Variants in IGSF10 observed in about 807,000 individuals in gnomAD.
IGSF10 encodes calvaria mechanical force protein 608.
In IGSF10, 126 loss-of-function variants were observed where a neutral mutation model predicts 128.2. That is an observed-to-expected ratio of 0.98 (90% CI 0.85 to 1.14). The LOEUF (loss-of-function observed/expected upper bound fraction) is 1.14, where lower values mean the gene tolerates loss of function less well. Among genes scored for constraint, IGSF10 ranks in the 50% most tolerant of loss-of-function variants. The pLI is 0.00. For missense variants in IGSF10, 3,295 were observed against 3,149.8 expected (o/e 1.05, Z -1.10); for synonymous variants, 1,185 against 1,146.2 (o/e 1.03, Z -0.68).
chr3:151,568,897 T>C, the IGSF10 span, among the ~76,000 whole-genome samples: 2 of 152,110 alleles, frequency 1.3e-5, no homozygotes. Flanking sequence ...AAACTTAATA[T>C]AGGGAATCAA....
At chr3:151,560,880 A>G in the IGSF10 span, among the ~76,000 whole-genome samples, 1 of 152,194 alleles carries the variant, frequency 6.6e-6, no homozygotes, top group African/African-American at 2.4e-5. Context: ...CTTTCTTAAC[A>G]ACGTTGACTT....
At chr3:151,490,065 T>TGATAAG in the IGSF10 span, among the ~76,000 whole-genome samples, 1 of 152,158 alleles carries the variant, frequency 6.6e-6, no homozygotes, top group Non-Finnish European at 1.5e-5. Context: ...AACCTTTAAT[T>TGATAAG]TAAACATTAA....
the IGSF10 span, among the ~76,000 whole-genome samples, chr3:151,510,877 AAATG>A: frequency 3.9e-5 from 6 of 152,232 alleles, no homozygotes; most frequent in African/African-American, 1.2e-4. Flanking sequence ...GTGGAAGATG[AAATG>A]AATGAAATGA....
chr3:151,442,226 A>G (rs1442144868), intron 7 of IGSF10, among the ~76,000 whole-genome samples: 3 of 152,188 alleles, frequency 2.0e-5, no homozygotes, highest in Non-Finnish European at 2.9e-5. Flanking sequence ...GAAAGAAAAA[A>G]TTAAGTACTG....
At chr3:151,450,341 A>T (rs1721452792) in intron 5 of IGSF10, among the ~76,000 whole-genome samples, 1 of 152,188 alleles carries the variant, frequency 6.6e-6, no homozygotes, top group South Asian at 2.1e-4. Context: ...ATGGCACTTA[A>T]CAAAAGCATT....
At chr3:151,496,969 A>G in the IGSF10 span, among the ~76,000 whole-genome samples, 2 of 152,112 alleles carry the variant, frequency 1.3e-5, no homozygotes, top group Non-Finnish European at 2.9e-5. Flanking sequence ...TGGCTGCATA[A>G]ATGTCTTCTT....
At chr3:151,614,337 C>T in the IGSF10 span, among the ~76,000 whole-genome samples, 14 of 152,216 alleles carry the variant, frequency 9.2e-5, no homozygotes, top group South Asian at 6.2e-4. Context: ...ACCCAAAGGA[C>T]TATAAATCAT....
rs1419753791 is a variant in IGSF10, at chr3:151,448,771, A to G, written c.1210T>C (p.Tyr404His). The change falls in exon 6 of 8, where the codon TAT becomes CAT. Residue 404 changes from tyrosine to histidine, a missense_variant. Transcript: ENST00000282466. ...LSETPQLYYK[Y>H]KQVAPKPEDI... Reference sequence around the variant, plus strand: ...TCAGGCTTAGGAGCCACCTGTTTATATTTGTAATAGAGCTGCGGTGTTTCA... The same window carrying G: ...TCAGGCTTAGGAGCCACCTGTTTATGTTTGTAATAGAGCTGCGGTGTTTCA... 1.2e-6 allele frequency: 2 copies of G among 1,613,684 alleles called. No homozygotes were observed. Among genetic ancestry groups the G allele is most frequent in the South Asian group, 2.2e-5 (2 of 91,084 alleles).
chr3:151,465,022 C>T (rs753476191), upstream of IGSF10, among the ~76,000 whole-genome samples: 1 of 152,124 alleles, frequency 6.6e-6, no homozygotes, highest in Non-Finnish European at 1.5e-5. Flanking sequence ...GAAGCAAATG[C>T]ATGGTCCTCT....
At chr3:151,460,553 A>G (rs1047800381) in intron 1 of IGSF10, among the ~76,000 whole-genome samples, 2 of 152,076 alleles carry the variant, frequency 1.3e-5, no homozygotes, top group Non-Finnish European at 2.9e-5. Flanking sequence ...GAGGTTTTTA[A>G]ATTTCCTTTC....
the IGSF10 span, among the ~76,000 whole-genome samples, chr3:151,540,366 C>T: frequency 6.6e-6 from 1 of 152,136 alleles, no homozygotes; most frequent in Non-Finnish European, 1.5e-5. Flanking sequence ...CTGCATTGTA[C>T]TTTTTATGAA....
the IGSF10 span, among the ~76,000 whole-genome samples, chr3:151,483,081 T>C: frequency 3.3e-5 from 5 of 152,112 alleles, no homozygotes; most frequent in Non-Finnish European, 4.4e-5. Context: ...AAGATGATAA[T>C]TACTGTCATT....
At chr3:151,434,487 C>CTTTTCACTAAATTAATAGTCTATCT (rs1192092356), downstream of IGSF10, 1 of 150,230 alleles carries the variant, frequency 6.7e-6, no homozygotes, top group Non-Finnish European at 1.5e-5. Flanking sequence ...AAAAACTATT[C>CTTTTCACTAAATTAATAGTCTATCT]TTTTCACTAA....
the IGSF10 span, among the ~76,000 whole-genome samples, chr3:151,572,725 TC>T: frequency 6.6e-6 from 1 of 152,192 alleles, no homozygotes; most frequent in South Asian, 2.1e-4. Context: ...CTCCTTCAGT[TC>T]TGCTCTCATC....
chr3:151,442,789 A>G (rs1720937495), intron 7 of IGSF10, among the ~76,000 whole-genome samples, 195 bp downstream of exon 7: 1 of 152,182 alleles, frequency 6.6e-6, no homozygotes, highest in Admixed American at 6.5e-5. Flanking sequence ...CTTTGAGTTA[A>G]GCATGTGAAA....
the IGSF10 span, among the ~76,000 whole-genome samples, chr3:151,549,875 A>C: frequency 2.0e-5 from 3 of 152,168 alleles, no homozygotes; most frequent in African/African-American, 7.2e-5. Context: ...AGAGTATTGT[A>C]ATTTTTAACG....
chr3:151,501,236 G>C, the IGSF10 span, among the ~76,000 whole-genome samples: 3 of 152,000 alleles, frequency 2.0e-5, no homozygotes, highest in Admixed American at 2.0e-4. Context: ...TTTGCCTCAA[G>C]CTTCCCTGTC....
At chr3:151,486,072 C>G in the IGSF10 span, among the ~76,000 whole-genome samples, 1 of 152,110 alleles carries the variant, frequency 6.6e-6, no homozygotes, top group African/African-American at 2.4e-5. Flanking sequence ...CGTGCAAAGA[C>G]TCACACATAG....
chr3:151,517,268 C>T, the IGSF10 span, among the ~76,000 whole-genome samples: 1 of 151,934 alleles, frequency 6.6e-6, no homozygotes, highest in African/African-American at 2.4e-5. Flanking sequence ...AAATATATCC[C>T]ATCAGATATT....
Sources: allele counts gnomAD v4.1 joint callset (sites outside exome capture counted in the v4.1 genomes callset), GRCh38; gene constraint gnomAD v4.1.1; transcripts MANE v1.5; gene names NCBI Gene and HGNC (gene_info 2026-07-23, HGNC 2026-07-21).